Variants in ADCY9 observed in about 807,000 individuals in gnomAD.
ADCY9 encodes adenylate cyclase type 9.
In ADCY9, 50 loss-of-function variants were observed where a neutral mutation model predicts 101.5. That is an observed-to-expected ratio of 0.49 (90% confidence interval 0.39 to 0.62). The LOEUF (loss-of-function observed/expected upper bound fraction) is 0.62, where lower values mean the gene tolerates loss of function less well. ADCY9 is among the 20% of genes least tolerant of loss of function. ADCY9 has a pLI of 0.00. For synonymous variants in ADCY9, 905 were observed against 769.3 expected (o/e 1.18, Z -2.92); for missense variants, 1,662 against 1,800.4 (o/e 0.92, Z 1.39).
chr16:3,995,769 T>A (rs76344522), intron 3 of ADCY9, among the ~76,000 whole-genome samples: 4,759 of 152,218 alleles, frequency 0.031, 230 homozygotes, highest in African/African-American at 0.11. Flanking sequence ...ACTGCAGACC[T>A]GTACTATATT....
chr16:4,033,792 G>A (rs918225723), intron 2 of ADCY9, among the ~76,000 whole-genome samples: 1 of 152,130 alleles, frequency 6.6e-6, no homozygotes, highest in African/African-American at 2.4e-5. Context: ...TCCTGTGAAG[G>A]CTTAAGCAAT....
intron 7 of ADCY9, among the ~76,000 whole-genome samples, chr16:3,981,189 C>A (rs1356219442): frequency 6.6e-6 from 1 of 152,242 alleles, no homozygotes; most frequent in South Asian, 2.1e-4. Context: ...CCACCACCTT[C>A]ACCAGATCCT....
chr16:3,998,753 GAAAAGA>G (rs1276735857), intron 3 of ADCY9, among the ~76,000 whole-genome samples: 6 of 3,582 alleles, frequency 1.7e-3, no homozygotes, highest in Non-Finnish European at 2.1e-3. Context: ...AAGAAAGAAA[GAAAAGA>G]AAAGAAAAGA....
rs188157907 is a variant in ADCY9, at chr16:3,980,513, C to T, written c.2520-1238G>A. Among the ~76,000 whole-genome samples, 351 of 152,212 alleles carry T rather than the reference C, an allele frequency of 2.3e-3. 1 individual carries two copies. The highest frequency in any genetic ancestry group is 3.7e-3 in the Non-Finnish European group (252 of 67,986). ...GCCTCAGGAGAGGCTGGGCGGGGGC[C>T]GCTGTTGTGACTGAACAGCAAAAAA... On this transcript the variant is annotated intron_variant, in intron 7 of 10. Coordinates refer to ENST00000294016, the MANE Select transcript of ADCY9 (RefSeq NM_001116.4).
chr16:3,992,429 C>T lies in ADCY9; in HGVS notation c.1990-66G>A, dbSNP rs2056252368. ...TGGCACCGGGCACTGGGCACACACG[C>T]CTGTCCCACCCCGACCTCCGCTGCG... is the stretch of plus-strand genomic sequence containing the variant. On this transcript the variant is annotated intron_variant, in intron 4 of 10. Transcript: ENST00000294016. This position sits in a 1 kb window ranked among gnomAD's most constrained non-coding sequence, Gnocchi z 4.2. The T allele has an allele frequency of 6.9e-7, 1 of 1,446,852 alleles. No individual in the cohort carries two copies. Among genetic ancestry groups the T allele is most frequent in the Non-Finnish European group, 9.5e-7 (1 of 1,047,870 alleles). The allele number at this position is 1,446,852 out of a possible 1,614,324, so 89.6% of individuals were successfully genotyped here. A position where few individuals can be genotyped will look rare whatever the true frequency, so the allele number is the denominator to read the frequency against.
intron 6 of ADCY9, among the ~76,000 whole-genome samples, chr16:3,984,673 G>A (rs2056175319): frequency 6.6e-6 from 1 of 152,238 alleles, no homozygotes; most frequent in Non-Finnish European, 1.5e-5. Flanking sequence ...GGATCCAAAG[G>A]CAGAGGCTGT....
chr16:4,011,189 C>T (rs1241670947), intron 2 of ADCY9, among the ~76,000 whole-genome samples: 2 of 152,112 alleles, frequency 1.3e-5, no homozygotes, highest in African/African-American at 4.8e-5. Flanking sequence ...AGGGGGGTTA[C>T]TAGAACAGGT....
At chr16:3,998,729 A>G (rs1392783677) in intron 3 of ADCY9, among the ~76,000 whole-genome samples, 23 of 119,222 alleles carry the variant, frequency 1.9e-4, no homozygotes, top group Admixed American at 3.7e-4. Flanking sequence ...AAAAAAAAAA[A>G]AAAAAAGAAA....
chr16:3,959,884 G>A (rs1246998660), downstream of ADCY9, among the ~76,000 whole-genome samples: 2 of 152,042 alleles, frequency 1.3e-5, no homozygotes, highest in Non-Finnish European at 2.9e-5. Context: ...AATTTAGCTA[G>A]GCGTGGTGGC....
rs2057142306 is a variant in ADCY9 at position 4,115,251 on chromosome 16, G to A, written c.192C>T (p.Pro64=). 1 of 1,613,402 alleles carries A rather than the reference G, an allele frequency of 6.2e-7. No individual in the cohort carries two copies. Residue 64 remains proline, a synonymous_variant, in exon 2 of 11, where the codon CCC becomes CCT. Transcript: ENST00000294016. The surrounding 1 kb of genome is among the most constrained non-coding windows in gnomAD (Gnocchi z 6.2). The stretch of plus-strand genomic sequence containing the variant: ...GCCGGCCTCCGCCGCCCACTCGCCG[G>A]GGGACGCCCCCGGAGTCCCCAGAGC... ...CSSSGDSGGV[P]RRVGGGGRLR...
chr16:3,974,252 G>C (rs1462977585), intron 10 of ADCY9, among the ~76,000 whole-genome samples: 1 of 151,630 alleles, frequency 6.6e-6, no homozygotes, highest in Non-Finnish European at 1.5e-5. Flanking sequence ...CACCGTGTTA[G>C]CCAGGATGGT....
At chr16:4,107,094 A>G (rs1388064149) in intron 2 of ADCY9, among the ~76,000 whole-genome samples, 1 of 152,234 alleles carries the variant, frequency 6.6e-6, no homozygotes, top group African/African-American at 2.4e-5. Flanking sequence ...CAGGTCTCAA[A>G]GAGCCTGAAC....
At chr16:4,003,924 C>T (rs1567433330) in intron 3 of ADCY9, among the ~76,000 whole-genome samples, 1 of 152,016 alleles carries the variant, frequency 6.6e-6, no homozygotes, top group Non-Finnish European at 1.5e-5. Context: ...TATGCAATGT[C>T]AGGGCCCTTA....
intron 2 of ADCY9, among the ~76,000 whole-genome samples, chr16:4,013,139 C>G (rs951121853): frequency 1.3e-5 from 2 of 151,908 alleles, no homozygotes; most frequent in Non-Finnish European, 2.9e-5. Flanking sequence ...TCCCAGCTAC[C>G]CAGGAGGCTA....
intron 2 of ADCY9, among the ~76,000 whole-genome samples, chr16:4,045,783 C>G (rs764729419): frequency 6.6e-6 from 1 of 151,326 alleles, no homozygotes. Context: ...ACTGCAGCCT[C>G]GACCTCCTTG....
intron 2 of ADCY9, among the ~76,000 whole-genome samples, chr16:4,097,393 T>C (rs2601819): frequency 0.11 from 16,580 of 147,238 alleles, 1,468 homozygotes; most frequent in East Asian, 0.44. Flanking sequence ...TGGAGGCTTG[T>C]TCTGTGTAGA....
Position 4,091,613 on chromosome 16 carries a change from G to C in ADCY9, c.1693+22137C>G, listed in dbSNP as rs76905657. Among the ~76,000 whole-genome samples the C allele has an allele frequency of 7.3e-3, 1,112 of 152,250 alleles. 14 individuals carry two copies. The highest frequency in any genetic ancestry group is 0.026 in the African/African-American group (1,075 of 41,528). On this transcript the variant is annotated intron_variant, in intron 2 of 10. Coordinates refer to ENST00000294016, the MANE Select transcript of ADCY9 (RefSeq NM_001116.4). ...CAAAATGTGGTTTATCCATACAATG[G>C]AATTTTATGCACCCATAACAAAAAG...
chr16:4,051,240 A>G (rs2056699336), intron 2 of ADCY9, among the ~76,000 whole-genome samples: 1 of 151,290 alleles, frequency 6.6e-6, no homozygotes, highest in Admixed American at 6.6e-5. Context: ...AAACGAAAAA[A>G]CCTGGCCAGG....
At chr16:4,064,853 G>A (rs1162623944) in intron 2 of ADCY9, among the ~76,000 whole-genome samples, 4 of 151,968 alleles carry the variant, frequency 2.6e-5, no homozygotes, top group African/African-American at 9.7e-5. Flanking sequence ...ACTAATTCAA[G>A]GGCTGCCTTA....
Sources: allele counts gnomAD v4.1 joint callset (sites outside exome capture counted in the v4.1 genomes callset), GRCh38; gene constraint gnomAD v4.1.1; non-coding constraint Gnocchi (gnomAD v3.1); transcripts MANE v1.5; gene names NCBI Gene and HGNC (gene_info 2026-07-23, HGNC 2026-07-21).